The following PALS2 variants were observed in gnomAD, a reference collection of about 807,000 sequenced individuals.
The protein encoded by PALS2 is protein associated with LIN7 2, MAGUK p55 family member.
In PALS2, 27 loss-of-function variants were observed where a neutral mutation model predicts 61.6. That is an observed-to-expected ratio of 0.44 (90% CI 0.32 to 0.60). The LOEUF (loss-of-function observed/expected upper bound fraction) is 0.60, where lower values mean the gene tolerates loss of function less well. Ranked by LOEUF, PALS2 falls within the 20% of genes least tolerant of loss-of-function variation. PALS2 has a pLI of 0.05. For missense variants in PALS2, 554 were observed against 639.4 expected (o/e 0.87, Z 1.44); for synonymous variants, 236 against 218.6 (o/e 1.08, Z -0.70).
intron 11 of PALS2, among the ~76,000 whole-genome samples, chr7:24,684,682 A>T (rs1039097871): frequency 1.3e-5 from 2 of 152,178 alleles, no homozygotes; most frequent in African/African-American, 4.8e-5. Flanking sequence ...TTGTTTTTAG[A>T]AAACATACAT....
intron 3 of PALS2, among the ~76,000 whole-genome samples, chr7:24,646,798 A>T (rs1043026247): frequency 2.0e-5 from 3 of 152,008 alleles, no homozygotes; most frequent in African/African-American, 4.8e-5. Flanking sequence ...TTTTTGGTTG[A>T]TAAACTATTT....
intron 5 of PALS2, among the ~76,000 whole-genome samples, chr7:24,658,687 G>C (rs1339876051): frequency 6.6e-6 from 1 of 151,634 alleles, no homozygotes; most frequent in Non-Finnish European, 1.5e-5. Context: ...CTCCCAAGTA[G>C]CTGGGACTAC....
chr7:24,614,796 G>A (rs1784233753), intron 1 of PALS2, among the ~76,000 whole-genome samples: 2 of 151,846 alleles, frequency 1.3e-5, no homozygotes, highest in Non-Finnish European at 2.9e-5. Context: ...TTTTTCGTCA[G>A]CACATGAAAC....
rs1237940084 is a variant in PALS2 at position 24,688,032 on chromosome 7, G to C, written c.*418G>C. On this transcript the variant is annotated 3_prime_UTR_variant, in exon 12 of 12. Coordinates refer to ENST00000222644, the MANE Select transcript of PALS2 (RefSeq NM_001303037.2). ...TGTCATTTAGTTCAGTATTCAAATA[G>C]TGAAGGGTTAGTCTTAATAGAAGAA... is the stretch of plus-strand genomic sequence containing the variant. 1 of 153,368 alleles carries C rather than the reference G, an allele frequency of 6.5e-6. No individual in the cohort carries two copies. The highest frequency in any genetic ancestry group is 2.4e-5 in the African/African-American group (1 of 41,456). 9.5% of individuals were successfully genotyped at this position (153,368 alleles called of 1,614,324 possible).
At chr7:24,685,204 C>G (rs1276881872) in intron 11 of PALS2, among the ~76,000 whole-genome samples, 1 of 152,114 alleles carries the variant, frequency 6.6e-6, no homozygotes, top group East Asian at 1.9e-4. Context: ...ATATTATCTT[C>G]TTTTAAAGCC....
intron 5 of PALS2, among the ~76,000 whole-genome samples, chr7:24,658,804 G>A (rs1489356916): frequency 2.6e-5 from 4 of 151,728 alleles, no homozygotes; most frequent in South Asian, 2.1e-4. Context: ...ATCCATCTGC[G>A]TCAGCCTCCC....
intron 2 of PALS2, among the ~76,000 whole-genome samples, chr7:24,639,757 A>G (rs1373865221): frequency 2.2e-5 from 3 of 139,344 alleles, no homozygotes; most frequent in African/African-American, 8.0e-5. Flanking sequence ...CTTGTATTAT[A>G]TGTTCAGAAA....
chr7:24,661,508 C>T (rs1173656681), intron 5 of PALS2, among the ~76,000 whole-genome samples: 1 of 152,112 alleles, frequency 6.6e-6, no homozygotes, highest in African/African-American at 2.4e-5. Context: ...CTGTTCCACA[C>T]ATAAGAATGG....
At chr7:24,586,907 G>A (rs966698956) in intron 1 of PALS2, among the ~76,000 whole-genome samples, 2 of 152,120 alleles carry the variant, frequency 1.3e-5, no homozygotes, top group African/African-American at 4.8e-5. Flanking sequence ...GGCGTCTTGA[G>A]GTTTTCAAGG....
chr7:24,575,347 CT>C (rs111531888), intron 1 of PALS2, among the ~76,000 whole-genome samples: 6 of 151,528 alleles, frequency 4.0e-5, no homozygotes, highest in African/African-American at 1.5e-4. Context: ...AAGACAGAAT[CT>C]TTTTTTTTCT....
chr7:24,617,590 A>T (rs760789328), intron 1 of PALS2, among the ~76,000 whole-genome samples: 1 of 152,180 alleles, frequency 6.6e-6, no homozygotes, highest in Non-Finnish European at 1.5e-5. Context: ...AGGTAGACCC[A>T]CTTGTGTAGT....
chr7:24,617,136 G>A (rs777837187), intron 1 of PALS2, among the ~76,000 whole-genome samples: 2 of 151,988 alleles, frequency 1.3e-5, no homozygotes, highest in Non-Finnish European at 2.9e-5. Context: ...CCTAAGTTCA[G>A]AAATTCTTTC....
intron 1 of PALS2, among the ~76,000 whole-genome samples, chr7:24,620,507 A>G (rs1784455810): frequency 6.6e-6 from 1 of 152,156 alleles, no homozygotes; most frequent in South Asian, 2.1e-4. Context: ...GTCAGTAACA[A>G]CTTATGAAGA....
At chr7:24,658,560 C>CT (rs35030453) in intron 5 of PALS2, among the ~76,000 whole-genome samples, 101 of 135,058 alleles carry the variant, frequency 7.5e-4, no homozygotes, top group South Asian at 9.7e-4. Flanking sequence ...TTTCTTCCAA[C>CT]TTTTTTTTTT....
chr7:24,591,634 A>G (rs545639550), intron 1 of PALS2, among the ~76,000 whole-genome samples: 43 of 152,264 alleles, frequency 2.8e-4, no homozygotes, highest in African/African-American at 1.0e-3. Flanking sequence ...TATGGTGTAT[A>G]AAGTCTCTGC....
intron 1 of PALS2, among the ~76,000 whole-genome samples, chr7:24,576,525 T>C (rs1263559175): frequency 6.6e-6 from 1 of 152,230 alleles, no homozygotes; most frequent in Non-Finnish European, 1.5e-5. Flanking sequence ...GCTTACAAAG[T>C]ATCATTCTTT....
chr7:24,586,116 TC>T (rs1483618213), intron 1 of PALS2, among the ~76,000 whole-genome samples: 4 of 152,156 alleles, frequency 2.6e-5, no homozygotes, highest in African/African-American at 9.7e-5. Flanking sequence ...TTCTTTGTAT[TC>T]CCCCAGTCAG....
At chr7:24,611,212 T>TA (rs1208419050) in intron 1 of PALS2, among the ~76,000 whole-genome samples, 1 of 152,118 alleles carries the variant, frequency 6.6e-6, no homozygotes, top group African/African-American at 2.4e-5. Context: ...CTTAACATAA[T>TA]AAACTGTATT....
At chr7:24,595,525 A>T (rs968838321) in intron 1 of PALS2, among the ~76,000 whole-genome samples, 14 of 132,488 alleles carry the variant, frequency 1.1e-4, no homozygotes, top group South Asian at 4.5e-4. Context: ...TAATATATAT[A>T]ATATATAATA....
Sources: allele counts gnomAD v4.1 joint callset (sites outside exome capture counted in the v4.1 genomes callset), GRCh38; gene constraint gnomAD v4.1.1; transcripts MANE v1.5; gene names NCBI Gene and HGNC (gene_info 2026-07-23, HGNC 2026-07-21).